SGCD: variants seen among roughly 807,000 people sequenced by gnomAD.
The protein encoded by SGCD is delta-sarcoglycan.
In SGCD, 18 loss-of-function variants were observed where a neutral mutation model predicts 36.6. That is an observed-to-expected ratio of 0.49 (90% confidence interval 0.34 to 0.73). The LOEUF (loss-of-function observed/expected upper bound fraction) is 0.73, where lower values mean the gene tolerates loss of function less well. SGCD is among the 30% of genes least tolerant of loss of function. SGCD has a pLI of 0.01. For synonymous variants in SGCD, 133 were observed against 130.6 expected, an observed-to-expected ratio of 1.02 and a Z score of -0.12; for missense variants, 387 against 346.7, an observed-to-expected ratio of 1.12 and a Z score of -0.92.
the SGCD span, among the ~76,000 whole-genome samples, chr5:155,772,846 AC>A: frequency 6.6e-6 from 1 of 152,010 alleles, no homozygotes; most frequent in African/African-American, 2.4e-5. Flanking sequence ...TGCAAATAGA[AC>A]CTTTTACCTC....
the SGCD span, among the ~76,000 whole-genome samples, chr5:155,785,630 C>T: frequency 6.6e-6 from 1 of 152,000 alleles, no homozygotes. Flanking sequence ...ATTGAAGTCT[C>T]AAAAGAATAT....
At chr5:156,282,325 CAG>C (rs916298090) in intron 3 of SGCD, among the ~76,000 whole-genome samples, 1 of 152,142 alleles carries the variant, frequency 6.6e-6, no homozygotes, top group African/African-American at 2.4e-5. Flanking sequence ...CAACGCAAAA[CAG>C]AGCTGTAGTG....
intron 3 of SGCD, among the ~76,000 whole-genome samples, chr5:156,176,625 G>A (rs1358481780): frequency 6.6e-6 from 1 of 152,046 alleles, no homozygotes; most frequent in Non-Finnish European, 1.5e-5. Context: ...ATCATTCAAT[G>A]TAAAATAATA....
intron 3 of SGCD, among the ~76,000 whole-genome samples, chr5:156,317,028 C>T (rs1767534616): frequency 6.6e-6 from 1 of 151,854 alleles, no homozygotes; most frequent in South Asian, 2.1e-4. Flanking sequence ...GTAAATGTAC[C>T]CTCTAAATCA....
At chr5:156,520,751 C>T (rs1036717260) in intron 4 of SGCD, among the ~76,000 whole-genome samples, 2 of 152,058 alleles carry the variant, frequency 1.3e-5, no homozygotes, top group Non-Finnish European at 2.9e-5. Context: ...GGCGCGGTGG[C>T]TCATGCCTGT....
the SGCD span, among the ~76,000 whole-genome samples, chr5:155,804,743 G>A: frequency 2.0e-5 from 3 of 152,156 alleles, no homozygotes; most frequent in Non-Finnish European, 4.4e-5. Flanking sequence ...AGGAATTTTC[G>A]GAAAGTATCT....
At chr5:156,085,748 G>C (rs1318879492) in intron 1 of SGCD, among the ~76,000 whole-genome samples, 1 of 152,160 alleles carries the variant, frequency 6.6e-6, no homozygotes, top group Non-Finnish European at 1.5e-5. Context: ...TCTGGGCCTG[G>C]AGATACCCTT....
At chr5:155,757,561 C>T in the SGCD span, among the ~76,000 whole-genome samples, 6 of 152,146 alleles carry the variant, frequency 3.9e-5, no homozygotes, top group Admixed American at 3.9e-4. Flanking sequence ...ACCCAAGGGT[C>T]TCTGACAGCA....
the SGCD span, among the ~76,000 whole-genome samples, chr5:155,850,342 A>G: frequency 3.3e-5 from 5 of 152,090 alleles, no homozygotes; most frequent in Non-Finnish European, 5.9e-5. Flanking sequence ...TCAGAGAGGG[A>G]TAAGAGTCCT....
At chr5:156,137,453 A>G (rs1001756629) in intron 3 of SGCD, among the ~76,000 whole-genome samples, 5 of 152,244 alleles carry the variant, frequency 3.3e-5, no homozygotes, top group Non-Finnish European at 7.3e-5. Context: ...CAGTGGGAAC[A>G]TATTCCAGAT....
rs1225521093 is a variant in SGCD at position 156,760,607 on chromosome 5, A to C, written c.*1217A>C. 6.6e-6 allele frequency: 1 copy of C among 152,622 alleles called. No homozygotes were observed. The highest frequency in any genetic ancestry group is 1.5e-5 in the Non-Finnish European group (1 of 68,040). The allele number at this position is 152,622 out of a possible 1,614,324, so 9.5% of individuals were successfully genotyped here. Reference sequence around the variant, plus strand: ...AATACAAACTGAGTGTCTTTATGAGAATCACTGTGTCCCCTGAGGCCCAGC... The same window carrying C: ...AATACAAACTGAGTGTCTTTATGAGCATCACTGTGTCCCCTGAGGCCCAGC... On this transcript the variant is annotated 3_prime_UTR_variant, in exon 9 of 9. Coordinates refer to ENST00000337851, the MANE Select transcript of SGCD (RefSeq NM_000337.6).
intron 1 of SGCD, among the ~76,000 whole-genome samples, chr5:155,904,928 A>G (rs570520992): frequency 7.2e-5 from 11 of 152,284 alleles, no homozygotes; most frequent in South Asian, 4.1e-4. Context: ...GAGCATGACA[A>G]TCTCCTTCTG....
intron 4 of SGCD, among the ~76,000 whole-genome samples, chr5:156,569,520 A>G (rs1759632249): frequency 6.6e-6 from 1 of 151,806 alleles, no homozygotes; most frequent in Admixed American, 6.6e-5. Flanking sequence ...TGAACTTCGG[A>G]GGCAGAGGTT....
intron 6 of SGCD, among the ~76,000 whole-genome samples, chr5:156,605,663 C>A (rs947721591): frequency 3.9e-5 from 6 of 152,180 alleles, no homozygotes; most frequent in Non-Finnish European, 2.9e-5. Context: ...ACAGTCCCAC[C>A]AACAGTGTAA....
chr5:156,488,705 A>G (rs113130949), intron 3 of SGCD, among the ~76,000 whole-genome samples: 83 of 152,308 alleles, frequency 5.4e-4, no homozygotes, highest in African/African-American at 1.9e-3. Context: ...ATGAAAACAC[A>G]TAAAAGTATA....
At chr5:156,121,165 A>G (rs575425394) in intron 2 of SGCD, among the ~76,000 whole-genome samples, 4 of 152,268 alleles carry the variant, frequency 2.6e-5, no homozygotes, top group African/African-American at 9.6e-5. Context: ...AAGATTCAGA[A>G]TCCAGTGGGA....
At chr5:155,873,184 C>T (rs540498203) in intron 1 of SGCD, among the ~76,000 whole-genome samples, 2 of 152,094 alleles carry the variant, frequency 1.3e-5, no homozygotes, top group Non-Finnish European at 2.9e-5. Flanking sequence ...GGTAGGTGTC[C>T]AAGCCAGTTA....
chr5:156,166,253 AC>A (rs1440445061), intron 3 of SGCD, among the ~76,000 whole-genome samples: 2 of 151,812 alleles, frequency 1.3e-5, no homozygotes, highest in African/African-American at 4.8e-5. Flanking sequence ...CATAAAATAA[AC>A]CACTTAAAAG....
At chr5:156,027,434 A>G (rs1489239452) in intron 1 of SGCD, among the ~76,000 whole-genome samples, 1 of 152,232 alleles carries the variant, frequency 6.6e-6, no homozygotes, top group Non-Finnish European at 1.5e-5. Flanking sequence ...GCCAATACAA[A>G]TATGTCTCCT....
Sources: allele counts gnomAD v4.1 joint callset (sites outside exome capture counted in the v4.1 genomes callset), GRCh38; gene constraint gnomAD v4.1.1; transcripts MANE v1.5; gene names NCBI Gene and HGNC (gene_info 2026-07-23, HGNC 2026-07-21).